Variants in SLC38A7 observed in about 807,000 individuals in gnomAD.
SLC38A7 encodes the protein solute carrier family 38 member 7, also known as sodium-coupled neutral amino acid transporter 7.
SLC38A7 carries 29 observed loss-of-function variants against 50.1 expected under a neutral mutation model. The ratio of observed to expected loss-of-function variants is 0.58; its 90% CI spans 0.43 to 0.79. SLC38A7 has a LOEUF of 0.79. SLC38A7 is among the 30% of genes least tolerant of loss of function. The probability of loss-of-function intolerance (pLI) is 0.00; values close to 1 mark genes in which losing one functional copy is unlikely to be tolerated. For missense variants in SLC38A7, 483 were observed against 610.6 expected (o/e 0.79, Z 2.20); for synonymous variants, 244 against 245.9 (o/e 0.99, Z 0.07).
Position 58,678,382 on chromosome 16 carries a change from T to C in SLC38A7, c.562A>G (p.Ile188Val). The change falls in exon 5 of 12, where the codon ATC becomes GTC. Residue 188 changes from isoleucine (I) to valine (V), a missense_variant. Transcript: ENST00000219320. This position sits in a 1 kb window ranked among gnomAD's most constrained non-coding sequence, Gnocchi z 4.0. ...TCCCTGGGGATGGAGAGGGGCAGGA[T>C]GAAGAGGAAGGCAGTGAGGCTGATG... The part of the protein sequence containing the change: ...FTISLTAFLF[I>V]LPLSIPREIG... 6.3e-7 allele frequency: 1 copy of C among 1,599,760 alleles called. No individual in the cohort carries two copies. The highest frequency in any genetic ancestry group is 8.5e-7 in the Non-Finnish European group (1 of 1,172,982).
In SLC38A7 at chr16:58,678,335, G is replaced by T; in HGVS notation, c.609C>A (p.Ala203=). The T allele has an allele frequency of 6.4e-7, 1 of 1,555,990 alleles. No homozygotes were observed. The highest frequency in any genetic ancestry group is 8.7e-7 in the Non-Finnish European group (1 of 1,151,632). The change falls in exon 5 of 12, where the codon GCC becomes GCA. Residue 203 remains alanine (A), a splice_region_variant and synonymous_variant. Coordinates refer to ENST00000219320, the MANE Select transcript of SLC38A7 (RefSeq NM_018231.3). The surrounding 1 kb of genome is among the most constrained non-coding windows in gnomAD (Gnocchi z 4.0). ...IPREIGFQKY[A]SFLSVVGTWY... The stretch of plus-strand genomic sequence containing the variant: ...GACCCAGGCTGGGGCCTCCAAACCT[G>T]GCATATTTCTGGAAACCAATCTCCC...
chr16:58,678,062 C>T lies in SLC38A7; in HGVS notation c.611+271G>A, dbSNP rs1321694405. On this transcript the variant is annotated intron_variant, in intron 5 of 11. Coordinates refer to ENST00000219320, the MANE Select transcript of SLC38A7 (RefSeq NM_018231.3). The surrounding 1 kb of genome is among the most constrained non-coding windows in gnomAD (Gnocchi z 4.0). Reference sequence around the variant, plus strand: ...CTTCACCGCCCAGATACCACCTGTTCCTTCTTTGACAAGGGCACTTAGAAC... The same window carrying T: ...CTTCACCGCCCAGATACCACCTGTTTCTTCTTTGACAAGGGCACTTAGAAC... Among the ~76,000 whole-genome samples the T allele has an allele frequency of 6.6e-6, 1 of 152,182 alleles. No homozygotes were observed. The highest frequency in any genetic ancestry group is 2.4e-5 in the African/African-American group (1 of 41,450).
intron 2 of SLC38A7, 148 bp from the exon 3 acceptor site, chr16:58,680,389 G>A (rs890154088): frequency 2.6e-6 from 1 of 385,120 alleles, no homozygotes; most frequent in African/African-American, 2.1e-5. Context: ...GCCAGAGTAT[G>A]GGGAGACAGA....
At position 58,680,248 on chromosome 16, in the gene SLC38A7, G is replaced by A. The variant is rs11860866; in HGVS notation, c.-115-7C>T. ...GCTTAGGACTCTTCTCAACCTAGAT[G>A]GGACAAAGGCAGGCACTACTGTTAT... On this transcript the variant is annotated splice_region_variant and splice_polypyrimidine_tract_variant and intron_variant, in intron 2 of 11. Coordinates refer to ENST00000219320, the MANE Select transcript of SLC38A7 (RefSeq NM_018231.3). 1.3e-3 allele frequency: 1,429 copies of A among 1,138,084 alleles called. 14 individuals are homozygous for A. In the African/African-American group the frequency reaches 0.02, roughly 16 times the overall value. The allele number at this position is 1,138,084 out of a possible 1,614,324, so 70.5% of individuals were successfully genotyped here.
At chr16:58,669,974 C>CAAAAAA in intron 11 of SLC38A7, 139 bp downstream of exon 11, 1 of 591,564 alleles carries the variant, frequency 1.7e-6, no homozygotes, top group Non-Finnish European at 2.6e-6. Flanking sequence ...GACTCCGGCT[C>CAAAAAA]AAAAAAAAAA....
chr16:58,668,867 G>T (rs955548366), intron 11 of SLC38A7, among the ~76,000 whole-genome samples: 1 of 151,078 alleles, frequency 6.6e-6, no homozygotes, highest in African/African-American at 2.4e-5. Flanking sequence ...CCGCCTCCGG[G>T]GTTCAAGCAA....
chr16:58,674,809 T>A (rs778408330), intron 8 of SLC38A7, among the ~76,000 whole-genome samples: 14 of 152,156 alleles, frequency 9.2e-5, no homozygotes, highest in Non-Finnish European at 1.9e-4. Context: ...TCCTACGGTC[T>A]ATCCGTGGAA....
Position 58,678,495 on chromosome 16 carries a change from G to A in SLC38A7, c.470-21C>T. 1.9e-6 allele frequency: 3 copies of A among 1,544,652 alleles called. No individual in the cohort carries two copies. The highest frequency in any genetic ancestry group is 1.7e-4 in the Middle Eastern group (1 of 5,716). Reference sequence around the variant, plus strand: ...TATAACTGCACAGGGAGGAAGGAGGGAATGTCAAGCCAGGCCACCATGGGG... The same window carrying A: ...TATAACTGCACAGGGAGGAAGGAGGAAATGTCAAGCCAGGCCACCATGGGG... On this transcript the variant is annotated intron_variant, in intron 4 of 11. Transcript: ENST00000219320. The surrounding 1 kb of genome is among the most constrained non-coding windows in gnomAD (Gnocchi z 4.0).
At chr16:58,681,678 T>C (rs2044390545) in intron 2 of SLC38A7, 1 of 152,232 alleles carries the variant, frequency 6.6e-6, no homozygotes, top group African/African-American at 2.4e-5. Flanking sequence ...GCAAGTCACT[T>C]CGCCCCTTTA....
At chr16:58,674,960 G>A (rs533027229) in intron 8 of SLC38A7, among the ~76,000 whole-genome samples, 3 of 152,026 alleles carry the variant, frequency 2.0e-5, no homozygotes, top group Admixed American at 6.6e-5. Context: ...AGCAGCCCTC[G>A]AGGCCCAACA....
chr16:58,671,442 C>A, intron 9 of SLC38A7, 198 bp from the exon 10 acceptor site: 1 of 605,950 alleles, frequency 1.7e-6, no homozygotes, highest in Non-Finnish European at 2.9e-6. Context: ...GAGAGCTTAG[C>A]ACTTTGCTTT....
chr16:58,673,083 A>ATTTTTTTTTTTTTTT (rs34081609), intron 8 of SLC38A7, among the ~76,000 whole-genome samples: 3 of 60,392 alleles, frequency 5.0e-5, no homozygotes, highest in African/African-American at 2.8e-4. Flanking sequence ...TGCCCGGCTA[A>ATTTTTTTTTTTTTTT]TTTTTTTTTT....
In SLC38A7 at chr16:58,678,450, G is replaced by A. The variant is rs1016749948; in HGVS notation, c.494C>T (p.Pro165Leu). 1.3e-5 allele frequency: 21 copies of A among 1,564,620 alleles called. No homozygotes were observed. Among genetic ancestry groups the A allele is most frequent in the East Asian group, 2.3e-5 (1 of 44,392 alleles). ...GTACCAAGGGCCGCTGGCCCCCTCCGGCTCTTTCGCCATCACAGCTATAAC... is the reference window on the plus strand; with the variant it reads ...GTACCAAGGGCCGCTGGCCCCCTCCAGCTCTTTCGCCATCACAGCTATAAC... ...DKIIAVMAKEPEGASGPWYTD... is the reference protein window; with the variant it reads ...DKIIAVMAKELEGASGPWYTD... The change falls in exon 5 of 12, where the codon CCG becomes CTG. Residue 165 changes from proline (P) to leucine (L), a missense_variant. Coordinates refer to ENST00000219320, the MANE Select transcript of SLC38A7 (RefSeq NM_018231.3). This position sits in a 1 kb window ranked among gnomAD's most constrained non-coding sequence, Gnocchi z 4.0.
chr16:58,670,093 AG>A lies in SLC38A7; in HGVS notation c.1286+19del. 1 of 1,613,626 alleles carries A rather than the reference AG, an allele frequency of 6.2e-7. No individual in the cohort carries two copies. The highest frequency in any genetic ancestry group is 1.3e-5 in the African/African-American group (1 of 75,022). Reference sequence around the variant, plus strand: ...ATCCAGCACCTCCCTGAGAGGATCAAGGGCTGGGTCCTGCTTTACCTGGCTG... The same window carrying A: ...ATCCAGCACCTCCCTGAGAGGATCAAGGCTGGGTCCTGCTTTACCTGGCTG... On this transcript the variant is annotated intron_variant, in intron 11 of 11. Coordinates refer to ENST00000219320, the MANE Select transcript of SLC38A7 (RefSeq NM_018231.3).
At chr16:58,676,522 T>C (rs1425699191) in intron 6 of SLC38A7, among the ~76,000 whole-genome samples, 176 bp from the exon 7 acceptor site, 1 of 152,212 alleles carries the variant, frequency 6.6e-6, no homozygotes, top group Non-Finnish European at 1.5e-5. Context: ...CAGGGCCCTC[T>C]GGGATGGGGC....
intron 8 of SLC38A7, among the ~76,000 whole-genome samples, chr16:58,673,218 C>T (rs1299313030): frequency 6.8e-6 from 1 of 146,094 alleles, no homozygotes; most frequent in Non-Finnish European, 1.5e-5. Context: ...ATTACAGTCA[C>T]CTGCCGCCAC....
Position 58,672,116 on chromosome 16 carries a change from A to T in SLC38A7, c.1011T>A (p.Pro337=). The part of the protein sequence containing the change: ...FIILSVLTSY[P]ILHFCGRAVV... ...CTCACCGCCCACAGAAGTGCAGGATAGGGTAGGAGGTGAGCACGCTCAGGA... is the reference window on the plus strand; with the variant it reads ...CTCACCGCCCACAGAAGTGCAGGATTGGGTAGGAGGTGAGCACGCTCAGGA... Residue 337 remains proline (P), a synonymous_variant, in exon 9 of 12, where the codon CCT becomes CCA. Transcript: ENST00000219320. The T allele has an allele frequency of 6.4e-7, 1 of 1,558,588 alleles. No individual in the cohort carries two copies.
chr16:58,680,728 A>G (rs2044371914), intron 2 of SLC38A7, among the ~76,000 whole-genome samples: 1 of 152,138 alleles, frequency 6.6e-6, no homozygotes, highest in Admixed American at 6.5e-5. Flanking sequence ...GATTCAACAT[A>G]TTACAGTCCA....
chr16:58,678,554 TC>T lies in SLC38A7; in HGVS notation c.470-81del. The T allele has an allele frequency of 6.4e-7, 1 of 1,552,598 alleles. No individual in the cohort carries two copies. Among genetic ancestry groups the T allele is most frequent in the Non-Finnish European group, 8.7e-7 (1 of 1,144,552 alleles). ...TCCTGCTCTGCTGGGCCCCAGGACC[TC>T]CCTCTGCCTGGAGGGAGGATTCCCA... On this transcript the variant is annotated intron_variant, in intron 4 of 11. Transcript: ENST00000219320. The surrounding 1 kb of genome is among the most constrained non-coding windows in gnomAD (Gnocchi z 4.0).
Sources: allele counts gnomAD v4.1 joint callset (sites outside exome capture counted in the v4.1 genomes callset), GRCh38; gene constraint gnomAD v4.1.1; non-coding constraint Gnocchi (gnomAD v3.1); transcripts MANE v1.5; gene names NCBI Gene and HGNC (gene_info 2026-07-23, HGNC 2026-07-21).